LRMDA: variants seen among roughly 807,000 people sequenced by gnomAD.
The protein encoded by LRMDA is leucine rich melanocyte differentiation associated, also known as leucine-rich melanocyte differentiation-associated protein.
A neutral mutation model predicts 29.8 loss-of-function variants in LRMDA; 18 were observed. That is an observed-to-expected ratio of 0.60 (90% CI 0.42 to 0.90). LRMDA has a LOEUF of 0.90. Ranked by LOEUF, LRMDA falls within the 40% of genes least tolerant of loss-of-function variation. The pLI, the probability that LRMDA is intolerant of heterozygous loss-of-function variation, is 0.00. For synonymous variants in LRMDA, 125 were observed against 109.4 expected (o/e 1.14, Z -0.89); for missense variants, 273 against 273.9 (o/e 1.00, Z 0.02).
chr10:75,646,179 C>T (rs1841518339), intron 2 of LRMDA, among the ~76,000 whole-genome samples: 1 of 152,046 alleles, frequency 6.6e-6, no homozygotes, highest in African/African-American at 2.4e-5. Context: ...TTTTAGACTG[C>T]TGGGCTTTGC....
intron 5 of LRMDA, among the ~76,000 whole-genome samples, chr10:76,234,314 T>A (rs1852111784): frequency 6.6e-6 from 1 of 152,242 alleles, no homozygotes. Context: ...AATATTTAAG[T>A]AAATCATGCT....
intron 2 of LRMDA, among the ~76,000 whole-genome samples, chr10:75,594,002 C>A (rs1564517990): frequency 6.6e-6 from 1 of 152,222 alleles, no homozygotes; most frequent in East Asian, 1.9e-4. Flanking sequence ...TAGAAAAACA[C>A]CTTTTGACCA....
At chr10:75,443,992 G>A (rs976912948) in intron 2 of LRMDA, among the ~76,000 whole-genome samples, 2 of 152,156 alleles carry the variant, frequency 1.3e-5, no homozygotes, top group African/African-American at 4.8e-5. Context: ...TTGTTGTCTT[G>A]TCATTCATTC....
At chr10:76,358,688 T>G (rs1386445953) in intron 6 of LRMDA, among the ~76,000 whole-genome samples, 1 of 152,202 alleles carries the variant, frequency 6.6e-6, no homozygotes, top group African/African-American at 2.4e-5. Flanking sequence ...ATTCATAACC[T>G]TGATTTTATC....
intron 2 of LRMDA, among the ~76,000 whole-genome samples, chr10:75,452,693 C>T (rs1838929182): frequency 6.7e-6 from 1 of 150,172 alleles, no homozygotes; most frequent in African/African-American, 2.5e-5. Context: ...GCTCTTCTTC[C>T]TGGAGATTTC....
At chr10:75,957,466 A>G (rs561951466) in intron 2 of LRMDA, among the ~76,000 whole-genome samples, 1 of 152,340 alleles carries the variant, frequency 6.6e-6, no homozygotes, top group East Asian at 1.9e-4. Context: ...TAGGTTGAGC[A>G]TGATGGATGA....
At chr10:76,412,467 A>G (rs976057358) in intron 6 of LRMDA, among the ~76,000 whole-genome samples, 2 of 152,208 alleles carry the variant, frequency 1.3e-5, no homozygotes, top group African/African-American at 4.8e-5. Flanking sequence ...CAGTTTGAAC[A>G]TAGCTCTATA....
intron 2 of LRMDA, among the ~76,000 whole-genome samples, chr10:75,902,858 C>A (rs1845698596): frequency 2.0e-5 from 3 of 152,178 alleles, no homozygotes; most frequent in South Asian, 2.1e-4. Flanking sequence ...CCCCCGACAA[C>A]CCCCCGTGCT....
At chr10:75,975,546 T>A (rs2132443376) in intron 2 of LRMDA, among the ~76,000 whole-genome samples, 1 of 152,334 alleles carries the variant, frequency 6.6e-6, no homozygotes, top group East Asian at 1.9e-4. Context: ...CCAGGGACTG[T>A]GTCCTTCGAG....
chr10:75,723,614 G>C (rs1842596016), intron 2 of LRMDA, among the ~76,000 whole-genome samples: 1 of 152,184 alleles, frequency 6.6e-6, no homozygotes, highest in African/African-American at 2.4e-5. Flanking sequence ...TCAGGAAATA[G>C]AACAGGAAAA....
At chr10:75,813,057 G>A (rs118120278) in intron 2 of LRMDA, among the ~76,000 whole-genome samples, 1 of 152,174 alleles carries the variant, frequency 6.6e-6, no homozygotes, top group Non-Finnish European at 1.5e-5. Flanking sequence ...CGGCTCCTGG[G>A]ACAAAGTGAG....
rs72809413 is a variant in LRMDA at position 75,545,304 on chromosome 10, A to G, written c.131+106810A>G. Among the ~76,000 whole-genome samples the G allele has an allele frequency of 1.6e-3, 240 of 152,274 alleles. 1 individual carries two copies. The highest frequency in any genetic ancestry group is 2.7e-3 in the Admixed American group (42 of 15,282). On this transcript the variant is annotated intron_variant, in intron 2 of 6. Coordinates refer to ENST00000611255, the MANE Select transcript of LRMDA (RefSeq NM_001305581.2). ...AACTACAATCTGTTAATCAAGTGTT[A>G]CGGAGAGTTTGGAGCTGGTCTGGGG...
intron 5 of LRMDA, among the ~76,000 whole-genome samples, chr10:76,068,733 A>T (rs1848827651): frequency 6.6e-6 from 1 of 152,200 alleles, no homozygotes; most frequent in African/African-American, 2.4e-5. Flanking sequence ...GAACAGAGTT[A>T]AAAGTCTTCA....
At chr10:76,398,105 T>C (rs1841808206) in intron 6 of LRMDA, among the ~76,000 whole-genome samples, 1 of 152,314 alleles carries the variant, frequency 6.6e-6, no homozygotes, top group South Asian at 2.1e-4. Flanking sequence ...GCGGCTCCTT[T>C]GTAACATCAA....
intron 2 of LRMDA, among the ~76,000 whole-genome samples, chr10:75,937,608 T>C (rs893306252): frequency 2.6e-5 from 4 of 152,194 alleles, no homozygotes; most frequent in Non-Finnish European, 4.4e-5. Flanking sequence ...TAAGACACCC[T>C]TTAAACCATA....
intron 5 of LRMDA, among the ~76,000 whole-genome samples, chr10:76,251,619 G>T (rs1852486175): frequency 6.6e-6 from 1 of 152,254 alleles, no homozygotes; most frequent in African/African-American, 2.4e-5. Context: ...CTATCATAGC[G>T]GTGTGAGTAT....
At chr10:75,610,124 T>C (rs1841009237) in intron 2 of LRMDA, among the ~76,000 whole-genome samples, 1 of 152,208 alleles carries the variant, frequency 6.6e-6, no homozygotes, top group Non-Finnish European at 1.5e-5. Flanking sequence ...ATAGGATACA[T>C]GTAACATAAA....
At chr10:76,154,308 G>A (rs1378300232) in intron 5 of LRMDA, among the ~76,000 whole-genome samples, 2 of 152,180 alleles carry the variant, frequency 1.3e-5, no homozygotes, top group Non-Finnish European at 2.9e-5. Context: ...ATTCTGTTTT[G>A]TTGTCAGATT....
chr10:76,005,993 G>T (rs1847646545), intron 2 of LRMDA, among the ~76,000 whole-genome samples: 1 of 152,016 alleles, frequency 6.6e-6, no homozygotes, highest in Admixed American at 6.6e-5. Context: ...TCTTAGGAAG[G>T]TTCTAGGCTG....
Sources: gnomAD v4.1 joint callset for allele counts (sites outside exome capture counted in the v4.1 genomes callset) on GRCh38, gnomAD v4.1.1 for gene constraint, MANE v1.5 for transcripts, NCBI Gene and HGNC (gene_info 2026-07-23, HGNC 2026-07-21) for gene names.